The following COL27A1 variants were observed in gnomAD, a reference collection of about 807,000 sequenced individuals.
COL27A1 encodes the protein collagen type XXVII alpha 1 chain.
COL27A1 carries 106 observed loss-of-function variants against 251.3 expected under a neutral mutation model. That is an observed-to-expected ratio of 0.42 (90% CI 0.36 to 0.50). The LOEUF is 0.50. Ranked by LOEUF, COL27A1 falls within the 20% of genes least tolerant of loss-of-function variation. The pLI, the probability that COL27A1 is intolerant of heterozygous loss-of-function variation, is 0.00. For synonymous variants in COL27A1, 1,000 were observed against 986.3 expected (o/e 1.01, Z -0.26); for missense variants, 2,325 against 2,522.8 (o/e 0.92, Z 1.68).
intron 7 of COL27A1, among the ~76,000 whole-genome samples, chr9:114,197,872 T>A (rs1829266387): frequency 6.6e-6 from 1 of 152,236 alleles, no homozygotes; most frequent in Non-Finnish European, 1.5e-5. Context: ...CAGAGGGTGC[T>A]GGGCGAAGTG....
intron 7 of COL27A1, among the ~76,000 whole-genome samples, chr9:114,203,610 C>T (rs1175995297): frequency 6.6e-6 from 1 of 152,166 alleles, no homozygotes; most frequent in African/African-American, 2.4e-5. Context: ...ATCTGAGATA[C>T]AATCATGTCA....
At chr9:114,231,198 C>T in intron 15 of COL27A1, 66 bp downstream of exon 15, 1 of 1,461,762 alleles carries the variant, frequency 6.8e-7, no homozygotes, top group Non-Finnish European at 9.6e-7. Context: ...CCATTTCAGC[C>T]CAGAAGGAAG....
intron 27 of COL27A1, among the ~76,000 whole-genome samples, chr9:114,256,496 A>T (rs1300851548): frequency 6.6e-6 from 1 of 152,112 alleles, no homozygotes; most frequent in Non-Finnish European, 1.5e-5. Context: ...CCATCTCAAC[A>T]AAAAAAGATT....
intron 12 of COL27A1, among the ~76,000 whole-genome samples, chr9:114,214,022 G>T (rs1168655242): frequency 6.6e-6 from 1 of 152,070 alleles, no homozygotes; most frequent in Non-Finnish European, 1.5e-5. Flanking sequence ...AGCCACCATG[G>T]CCAGCAAATC....
At chr9:114,171,281 C>T (rs1849304054) in intron 3 of COL27A1, among the ~76,000 whole-genome samples, 1 of 152,108 alleles carries the variant, frequency 6.6e-6, no homozygotes, top group Non-Finnish European at 1.5e-5. Flanking sequence ...GGCCACGCAG[C>T]ACGGAGGAGG....
chr9:114,192,057 T>C (rs141420352), intron 5 of COL27A1, among the ~76,000 whole-genome samples: 1 of 152,354 alleles, frequency 6.6e-6, no homozygotes, highest in African/African-American at 2.4e-5. Flanking sequence ...GTAGGTATCA[T>C]ACTCGGGCAG....
chr9:114,286,346 A>G (rs1014098291), intron 41 of COL27A1, among the ~76,000 whole-genome samples: 1 of 152,102 alleles, frequency 6.6e-6, no homozygotes, highest in Non-Finnish European at 1.5e-5. Flanking sequence ...ACAGGCGGGG[A>G]AACTGAGTCC....
At position 114,306,654 on chromosome 9, in the gene COL27A1, G is replaced by A. The variant is rs778232133; in HGVS notation, c.5073G>A (p.Arg1691=). 9.9e-6 allele frequency: 16 copies of A among 1,614,074 alleles called. No individual in the cohort carries two copies. In the South Asian group the frequency reaches 1.5e-4, roughly 16 times the overall value. ...AAGAGAACCCCGCCCGGGTCTGCAGGGACCTCATGGACTGTGAGCAGAAGA... is the reference window on the plus strand; with the variant it reads ...AAGAGAACCCCGCCCGGGTCTGCAGAGACCTCATGGACTGTGAGCAGAAGA... ...GTKENPARVC[R]DLMDCEQKMV... Residue 1691 remains arginine, a synonymous_variant, in exon 58 of 61, where the codon AGG becomes AGA. Coordinates refer to ENST00000356083, the MANE Select transcript of COL27A1 (RefSeq NM_032888.4).
chr9:114,183,347 A>C (rs957998774), intron 5 of COL27A1, among the ~76,000 whole-genome samples: 1 of 152,188 alleles, frequency 6.6e-6, no homozygotes, highest in Non-Finnish European at 1.5e-5. Context: ...TTCTTGCTAA[A>C]TAGGGAAGGC....
chr9:114,204,841 C>T (rs983057633), intron 7 of COL27A1, among the ~76,000 whole-genome samples: 3 of 152,180 alleles, frequency 2.0e-5, no homozygotes, highest in Admixed American at 6.5e-5. Flanking sequence ...CAGTTCAGCT[C>T]ACCTACTCTG....
In COL27A1 at chr9:114,168,522, C is replaced by T. The variant is rs772832398; in HGVS notation, c.967C>T (p.Leu323=). The T allele has an allele frequency of 6.2e-7, 1 of 1,614,012 alleles. No homozygotes were observed. The highest frequency in any genetic ancestry group is 1.7e-5 in the Admixed American group (1 of 60,026). Residue 323 remains leucine (L), a synonymous_variant, in exon 3 of 61, where the codon CTA becomes TTA. Coordinates refer to ENST00000356083, the MANE Select transcript of COL27A1 (RefSeq NM_032888.4). ...AVGGPAQTPL[L]PAKLSASNAL... ...GGGAGGCCCAGCCCAAACCCCGCTG[C>T]TACCTGCCAAGCTGTCAGCCAGTAA...
chr9:114,205,905 C>T, intron 9 of COL27A1, 93 bp downstream of exon 9: 7 of 1,187,520 alleles, frequency 5.9e-6, no homozygotes, highest in East Asian at 2.3e-5. Context: ...GGGCTGGGGG[C>T]CAAGGAGCTG....
In COL27A1 at chr9:114,168,250, T is replaced by G; in HGVS notation, c.695T>G (p.Leu232Arg). The G allele has an allele frequency of 6.2e-7, 1 of 1,614,008 alleles. No individual in the cohort carries two copies. Among genetic ancestry groups the G allele is most frequent in the East Asian group, 2.2e-5 (1 of 44,872 alleles). Residue 232 changes from leucine (L) to arginine (R), a missense_variant, in exon 3 of 61, where the codon CTG becomes CGG. This residue lies in a region of COL27A1 where 1,183 missense variants were observed against 1,144.1 expected (regional missense o/e 1.03). Coordinates refer to ENST00000356083, the MANE Select transcript of COL27A1 (RefSeq NM_032888.4). ...TQVAHNYCTH[L>R]RKQCGQADTY... Reference sequence around the variant, plus strand: ...GTCGCTCACAATTACTGTACCCACCTGAGGAAGCAGTGTGGACAGGCTGAC... The same window carrying G: ...GTCGCTCACAATTACTGTACCCACCGGAGGAAGCAGTGTGGACAGGCTGAC...
chr9:114,210,589 C>A (rs575014284), intron 11 of COL27A1, among the ~76,000 whole-genome samples: 25 of 152,302 alleles, frequency 1.6e-4, no homozygotes, highest in Non-Finnish European at 3.1e-4. Context: ...TTCTCACAGA[C>A]CCCTGGCCCA....
At chr9:114,172,361 G>A (rs900132449) in intron 3 of COL27A1, among the ~76,000 whole-genome samples, 5 of 152,172 alleles carry the variant, frequency 3.3e-5, no homozygotes, top group Admixed American at 2.6e-4. Context: ...CCAGGCACAT[G>A]CAGACTTGGG....
chr9:114,230,088 T>C (rs1477763374), intron 14 of COL27A1, among the ~76,000 whole-genome samples: 1 of 152,166 alleles, frequency 6.6e-6, no homozygotes, highest in Non-Finnish European at 1.5e-5. Context: ...ACTTGTCACA[T>C]GAAGAAACCG....
intron 49 of COL27A1, among the ~76,000 whole-genome samples, chr9:114,297,863 C>T (rs931845015): frequency 3.9e-5 from 6 of 152,008 alleles, no homozygotes; most frequent in African/African-American, 1.4e-4. Flanking sequence ...GATCAATATA[C>T]AAAAAATGTC....
chr9:114,216,891 T>A (rs1480624902), intron 12 of COL27A1, among the ~76,000 whole-genome samples: 2 of 152,108 alleles, frequency 1.3e-5, no homozygotes, highest in Non-Finnish European at 2.9e-5. Flanking sequence ...TAATGAGCCC[T>A]CGGAGAGCCT....
At chr9:114,169,585 G>A (rs1284888050) in intron 3 of COL27A1, 122 bp downstream of exon 3, 2 of 743,138 alleles carry the variant, frequency 2.7e-6, no homozygotes, top group Non-Finnish European at 4.1e-6. Flanking sequence ...GCTGGTTATG[G>A]GTACATCCTT....
Sources: gnomAD v4.1 joint callset for allele counts (sites outside exome capture counted in the v4.1 genomes callset) on GRCh38, gnomAD v4.1.1 for gene constraint, gnomAD v4.1.1 regional missense constraint, MANE v1.5 for transcripts, NCBI Gene and HGNC (gene_info 2026-07-23, HGNC 2026-07-21) for gene names.